The following CDH20 variants were observed in gnomAD, a reference collection of about 807,000 sequenced individuals.
CDH20 encodes the protein cadherin-20.
A neutral mutation model predicts 74.2 loss-of-function variants in CDH20; 29 were observed. That is an observed-to-expected ratio of 0.39 (90% confidence interval 0.29 to 0.53). The LOEUF (loss-of-function observed/expected upper bound fraction) is 0.53, where lower values mean the gene tolerates loss of function less well. Ranked by LOEUF, CDH20 falls within the 20% of genes least tolerant of loss-of-function variation. CDH20 has a pLI of 0.69. For synonymous variants in CDH20, 469 were observed against 405.4 expected, an observed-to-expected ratio of 1.16 and a Z score of -1.88; for missense variants, 988 against 1,048.3, an observed-to-expected ratio of 0.94 and a Z score of 0.79.
chr18:61,430,285 T>C (rs145923229), intron 1 of CDH20, among the ~76,000 whole-genome samples: 84 of 152,190 alleles, frequency 5.5e-4, no homozygotes, highest in African/African-American at 1.9e-3. Flanking sequence ...TGGGTCTACA[T>C]AGGGTCCTCA....
chr18:61,516,253 C>G (rs1911999670), intron 6 of CDH20, among the ~76,000 whole-genome samples: 1 of 152,186 alleles, frequency 6.6e-6, no homozygotes, highest in African/African-American at 2.4e-5. Flanking sequence ...CATTGGGAAA[C>G]TTTTTGCACT....
intron 1 of CDH20, among the ~76,000 whole-genome samples, chr18:61,483,867 T>C (rs1193951854): frequency 6.6e-6 from 1 of 152,234 alleles, no homozygotes; most frequent in Non-Finnish European, 1.5e-5. Context: ...TTCTTCAAGA[T>C]TGCATAGATA....
At chr18:61,436,963 A>G (rs529539414) in intron 1 of CDH20, among the ~76,000 whole-genome samples, 1 of 152,290 alleles carries the variant, frequency 6.6e-6, no homozygotes, top group Non-Finnish European at 1.5e-5. Flanking sequence ...GTAAATGAAG[A>G]ATAAAAAATG....
chr18:61,426,363 C>T (rs1913071854), intron 1 of CDH20, among the ~76,000 whole-genome samples: 1 of 151,950 alleles, frequency 6.6e-6, no homozygotes, highest in Non-Finnish European at 1.5e-5. Context: ...GGGCAAAGGA[C>T]ATAAAATTTA....
At chr18:61,543,359 G>A (rs1255295705) in intron 9 of CDH20, among the ~76,000 whole-genome samples, 3 of 152,152 alleles carry the variant, frequency 2.0e-5, no homozygotes, top group Non-Finnish European at 2.9e-5. Context: ...TACAGGGCTG[G>A]GCCCAAGATG....
intron 6 of CDH20, 61 bp from the exon 7 acceptor site, chr18:61,527,905 GT>G (rs1912488401): frequency 6.5e-7 from 1 of 1,550,296 alleles, no homozygotes; most frequent in African/African-American, 1.4e-5. Flanking sequence ...CCTTTTGAAC[GT>G]TGACATATTT....
chr18:61,527,958 G>T lies in CDH20; in HGVS notation c.1018-9G>T, dbSNP rs755657721. The T allele has an allele frequency of 1.2e-6, 2 of 1,613,624 alleles. No individual in the cohort carries two copies. The highest frequency in any genetic ancestry group is 1.7e-5 in the Admixed American group (1 of 59,970). On this transcript the variant is annotated splice_polypyrimidine_tract_variant and intron_variant, in intron 6 of 11. Coordinates refer to ENST00000262717, the MANE Select transcript of CDH20 (RefSeq NM_031891.4). ...GTGGCGAATCAATTTTCCTGTCATT[G>T]CTTTTCAGCCCCTGAGTTTTGAAAG... is the stretch of plus-strand genomic sequence containing the variant.
chr18:61,427,961 G>A (rs1913128862), intron 1 of CDH20, among the ~76,000 whole-genome samples: 1 of 152,132 alleles, frequency 6.6e-6, no homozygotes, highest in Admixed American at 6.5e-5. Flanking sequence ...CACATACTTC[G>A]TTTCTGGTGT....
intron 1 of CDH20, among the ~76,000 whole-genome samples, chr18:61,486,680 T>C (rs1910775557): frequency 6.6e-6 from 1 of 152,182 alleles, no homozygotes; most frequent in South Asian, 2.1e-4. Context: ...GCAAAAATGA[T>C]AGCTTAAGAA....
chr18:61,383,806 T>C (rs1423728261), intron 1 of CDH20, among the ~76,000 whole-genome samples: 1 of 152,278 alleles, frequency 6.6e-6, no homozygotes, highest in East Asian at 1.9e-4. Context: ...CAGACTCTTT[T>C]GAAAAGAGTT....
intron 1 of CDH20, among the ~76,000 whole-genome samples, chr18:61,465,384 G>C (rs1393262640): frequency 6.6e-6 from 1 of 152,138 alleles, no homozygotes; most frequent in African/African-American, 2.4e-5. Flanking sequence ...ACAAAGAATG[G>C]CATGTTGGCT....
chr18:61,420,160 T>A (rs937121030), intron 1 of CDH20, among the ~76,000 whole-genome samples: 1 of 152,218 alleles, frequency 6.6e-6, no homozygotes, highest in Admixed American at 6.5e-5. Context: ...TCTCAGCCTA[T>A]ATTTTTTAAT....
chr18:61,515,902 C>T (rs1289493511), intron 6 of CDH20, among the ~76,000 whole-genome samples: 1 of 146,370 alleles, frequency 6.8e-6, no homozygotes, highest in African/African-American at 2.5e-5. Context: ...ACAATGTGCA[C>T]ATGTACCCTA....
intron 2 of CDH20, 28 bp downstream of exon 2, chr18:61,490,827 G>C: frequency 1.2e-6 from 2 of 1,608,552 alleles, no homozygotes; most frequent in East Asian, 2.2e-5. Context: ...GAAATGACCC[G>C]GGTATTGGAT....
chr18:61,508,678 C>G (rs1172513881), intron 6 of CDH20, among the ~76,000 whole-genome samples: 1 of 152,028 alleles, frequency 6.6e-6, no homozygotes, highest in African/African-American at 2.4e-5. Flanking sequence ...ACTTTGTCAC[C>G]CAGGCTGGAG....
rs1320049690 is a variant in CDH20 at position 61,353,413 on chromosome 18, ACTT to A, written c.-153+19594_-153+19596del. Among the ~76,000 whole-genome samples the A allele has an allele frequency of 1.3e-5, 2 of 152,186 alleles. No individual in the cohort carries two copies. Among genetic ancestry groups the A allele is most frequent in the South Asian group, 2.1e-4 (1 of 4,828 alleles). ...TTCTCAATTTTATGGGTCAATAGTT[ACTT>A]CTTCTTCCCCTAGATTCTCATAAAA... On this transcript the variant is annotated intron_variant, in intron 1 of 11. Transcript: ENST00000262717. This position sits in a 1 kb window ranked among gnomAD's most constrained non-coding sequence, Gnocchi z 4.6.
intron 3 of CDH20, among the ~76,000 whole-genome samples, chr18:61,500,102 TAAAAAAAAAAAAAAAAA>T (rs534695760): frequency 2.5e-4 from 14 of 56,570 alleles, no homozygotes; most frequent in Non-Finnish European, 3.7e-4. Flanking sequence ...GACTCCATCT[TAAAAAAAAAAAAAAAAA>T]AAAAAAAAAA....
chr18:61,398,185 C>T (rs567646398), intron 1 of CDH20, among the ~76,000 whole-genome samples: 3 of 152,284 alleles, frequency 2.0e-5, no homozygotes, highest in Non-Finnish European at 2.9e-5. Context: ...AGAGTCTGAA[C>T]GGGTCACTAT....
In CDH20 at chr18:61,501,163, A is replaced by T. The variant is rs187449281; in HGVS notation, c.661+661A>T. Among the ~76,000 whole-genome samples, 207 of 152,328 alleles carry T rather than the reference A, an allele frequency of 1.4e-3. 2 individuals carry two copies. The highest frequency in any genetic ancestry group is 4.8e-3 in the African/African-American group (198 of 41,584). The stretch of plus-strand genomic sequence containing the variant: ...TCCTGATTGGGAAGCTCTCACAGGG[A>T]GGACATCAGAGAGAACTGAATGGGC... On this transcript the variant is annotated intron_variant, in intron 4 of 11. Coordinates refer to ENST00000262717, the MANE Select transcript of CDH20 (RefSeq NM_031891.4).
Sources: allele counts gnomAD v4.1 joint callset (sites outside exome capture counted in the v4.1 genomes callset), GRCh38; gene constraint gnomAD v4.1.1; non-coding constraint Gnocchi (gnomAD v3.1); transcripts MANE v1.5; gene names NCBI Gene and HGNC (gene_info 2026-07-23, HGNC 2026-07-21).